The following GRIK1 variants were observed in gnomAD, a reference collection of about 807,000 sequenced individuals.
The protein encoded by GRIK1 is glutamate ionotropic receptor kainate type subunit 1, also known as glutamate receptor ionotropic, kainate 1.
Under a neutral mutation model 105.7 loss-of-function variants are expected in GRIK1, and 69 were observed. That is an observed-to-expected ratio of 0.65 (90% CI 0.54 to 0.80). The LOEUF (loss-of-function observed/expected upper bound fraction) is 0.80. GRIK1 is among the 30% of genes least tolerant of loss of function. The pLI is 0.00. For synonymous variants in GRIK1, 438 were observed against 431.3 expected (o/e 1.02, Z -0.19); for missense variants, 1,109 against 1,167.3 (o/e 0.95, Z 0.73).
chr21:29,541,571 C>T (rs993777551), intron 16 of GRIK1, among the ~76,000 whole-genome samples: 7 of 95,524 alleles, frequency 7.3e-5, no homozygotes, highest in East Asian at 7.7e-4. Context: ...ATTGCACTCA[C>T]GGTCTTTTTT....
At chr21:29,646,093 G>A (rs569667928) in intron 6 of GRIK1, among the ~76,000 whole-genome samples, 1 of 152,266 alleles carries the variant, frequency 6.6e-6, no homozygotes, top group South Asian at 2.1e-4. Context: ...TGGGTCCTGG[G>A]CAATGTCAGA....
chr21:29,562,639 C>T (rs1388382245), intron 14 of GRIK1, among the ~76,000 whole-genome samples: 3 of 151,514 alleles, frequency 2.0e-5, no homozygotes, highest in Non-Finnish European at 4.4e-5. Flanking sequence ...TGGGCAAAAA[C>T]AGCGAGACTC....
intron 1 of GRIK1, among the ~76,000 whole-genome samples, chr21:29,785,710 G>A (rs1239283143): frequency 6.6e-6 from 1 of 152,142 alleles, no homozygotes. Context: ...GATTCCCGTG[G>A]CTGCTGTAGC....
At chr21:29,661,045 C>T (rs1418317073) in intron 4 of GRIK1, among the ~76,000 whole-genome samples, 1 of 152,114 alleles carries the variant, frequency 6.6e-6, no homozygotes, top group African/African-American at 2.4e-5. Context: ...GAGCCAGATG[C>T]CTCTTTGGCC....
intron 1 of GRIK1, among the ~76,000 whole-genome samples, chr21:29,869,723 A>C: frequency 6.6e-6 from 1 of 152,224 alleles, no homozygotes; most frequent in African/African-American, 2.4e-5. Context: ...TATAAAATAC[A>C]TGTACATCTT....
intron 1 of GRIK1, among the ~76,000 whole-genome samples, chr21:29,880,966 C>G (rs533047419): frequency 2.0e-5 from 3 of 151,652 alleles, no homozygotes; most frequent in South Asian, 4.2e-4. Context: ...TAGTAGTGCC[C>G]CAGGTTGGGT....
Position 29,858,330 on chromosome 21 carries a change from C to A in GRIK1, c.118+81053G>T, listed in dbSNP as rs544028186. 9.2e-5 allele frequency among the ~76,000 whole-genome samples: 14 copies of A among 152,296 alleles called. No individual in the cohort carries two copies. The South Asian group carries it at 2.9e-3, about 32-fold the overall frequency. ...GGATTCTTCAATAGTGACGTTTGCCCATGAAACCCAGTGCATGTTGTCCTT... is the reference window on the plus strand; with the variant it reads ...GGATTCTTCAATAGTGACGTTTGCCAATGAAACCCAGTGCATGTTGTCCTT... On this transcript the variant is annotated intron_variant, in intron 1 of 17. Coordinates refer to ENST00000327783, the MANE Select transcript of GRIK1 (RefSeq NM_001330994.2).
rs116550440 is a variant in GRIK1 at position 29,743,309 on chromosome 21, A to C, written c.119-49246T>G. On this transcript the variant is annotated intron_variant, in intron 1 of 17. Transcript: ENST00000327783. Reference sequence around the variant, plus strand: ...ATGTTGGGAGAAAATCAAAGAAAAAAGTTGGAGAGAAGTTAAAGTGGTTAC... The same window carrying C: ...ATGTTGGGAGAAAATCAAAGAAAAACGTTGGAGAGAAGTTAAAGTGGTTAC... Among the ~76,000 whole-genome samples the C allele has an allele frequency of 4.4e-3, 664 of 152,310 alleles. 1 individual carries two copies. The highest frequency in any genetic ancestry group is 0.015 in the African/African-American group (625 of 41,574).
At chr21:29,653,846 A>T (rs765956450) in intron 5 of GRIK1, among the ~76,000 whole-genome samples, 3 of 152,178 alleles carry the variant, frequency 2.0e-5, no homozygotes, top group Non-Finnish European at 4.4e-5. Flanking sequence ...CTTCCACCCT[A>T]TGCTCAGTAG....
intron 1 of GRIK1, among the ~76,000 whole-genome samples, chr21:29,895,416 C>A (rs1266902951): frequency 6.6e-6 from 1 of 152,062 alleles, no homozygotes; most frequent in East Asian, 1.9e-4. Context: ...CTTTGTAATG[C>A]CTTTTTGAAA....
At chr21:29,764,922 A>T (rs2065619201) in intron 1 of GRIK1, among the ~76,000 whole-genome samples, 1 of 152,246 alleles carries the variant, frequency 6.6e-6, no homozygotes, top group Non-Finnish European at 1.5e-5. Flanking sequence ...TAGGGCTTTC[A>T]GTCTTCAATT....
rs751529107 is a variant in GRIK1, at chr21:29,581,409, T to C, written c.1912+16A>G. The C allele has an allele frequency of 8.9e-6, 13 of 1,457,460 alleles. No individual in the cohort carries two copies. Among genetic ancestry groups the C allele is most frequent in the Non-Finnish European group, 1.3e-5 (13 of 1,037,704 alleles). The allele number at this position is 1,457,460 out of a possible 1,614,324, so 90.3% of individuals were successfully genotyped here. On this transcript the variant is annotated intron_variant, in intron 13 of 17. Transcript: ENST00000327783. Reference sequence around the variant, plus strand: ...CACTGTGGGATGCGTGTGACAAAGATAGGCAACCGGTGTACCTTGCTGCAT... The same window carrying C: ...CACTGTGGGATGCGTGTGACAAAGACAGGCAACCGGTGTACCTTGCTGCAT...
intron 1 of GRIK1, among the ~76,000 whole-genome samples, chr21:29,914,286 C>A (rs2070918719): frequency 6.6e-6 from 1 of 152,006 alleles, no homozygotes; most frequent in African/African-American, 2.4e-5. Context: ...CTTCATTCCT[C>A]CATGAGAGGA....
rs74486018 is a variant in GRIK1, at chr21:29,647,613, G to T, written c.954+3505C>A. ...ATGTTTGGTTGTTCCCCTGACTCCTGTGCAGTGTTGACTCATACACAATTT... is the reference window on the plus strand; with the variant it reads ...ATGTTTGGTTGTTCCCCTGACTCCTTTGCAGTGTTGACTCATACACAATTT... On this transcript the variant is annotated intron_variant, in intron 6 of 17. Transcript: ENST00000327783. 3.7e-3 allele frequency among the ~76,000 whole-genome samples: 561 copies of T among 152,298 alleles called. 1 individual carries two copies. The highest frequency in any genetic ancestry group is 0.013 in the African/African-American group (530 of 41,554).
At chr21:29,551,892 C>T (rs1406182777) in intron 16 of GRIK1, among the ~76,000 whole-genome samples, 1 of 152,148 alleles carries the variant, frequency 6.6e-6, no homozygotes, top group Non-Finnish European at 1.5e-5. Context: ...TTCATCCCAA[C>T]ATCTGATTCT....
intron 7 of GRIK1, among the ~76,000 whole-genome samples, chr21:29,626,219 G>C (rs1031333878): frequency 1.3e-5 from 2 of 152,158 alleles, no homozygotes; most frequent in African/African-American, 4.8e-5. Flanking sequence ...AAGGGCAAAA[G>C]AGCATCAGAG....
At chr21:29,840,083 G>T (rs1258554364) in intron 1 of GRIK1, among the ~76,000 whole-genome samples, 2 of 152,088 alleles carry the variant, frequency 1.3e-5, no homozygotes, top group African/African-American at 4.8e-5. Flanking sequence ...TGTGGAGTGG[G>T]AATTGAAAAA....
In GRIK1 at chr21:29,575,993, G is replaced by A. The variant is rs145362114; in HGVS notation, c.2130+971C>T. ...TTTAGAGATTATTTTGTTTACAACT[G>A]TTGTTTTCCTTTTATTCACATGCAC... On this transcript the variant is annotated intron_variant, in intron 14 of 17. Coordinates refer to ENST00000327783, the MANE Select transcript of GRIK1 (RefSeq NM_001330994.2). 4.5e-3 allele frequency among the ~76,000 whole-genome samples: 687 copies of A among 151,986 alleles called. 3 individuals carry two copies. Among genetic ancestry groups the A allele is most frequent in the African/African-American group, 0.016 (658 of 41,424 alleles).
intron 3 of GRIK1, among the ~76,000 whole-genome samples, chr21:29,682,171 T>A (rs1165367215): frequency 6.6e-6 from 1 of 152,236 alleles, no homozygotes; most frequent in Non-Finnish European, 1.5e-5. Flanking sequence ...CCTCAATCCT[T>A]CACCCACTTT....
Sources: allele counts gnomAD v4.1 joint callset (sites outside exome capture counted in the v4.1 genomes callset), GRCh38; gene constraint gnomAD v4.1.1; transcripts MANE v1.5; gene names NCBI Gene and HGNC (gene_info 2026-07-23, HGNC 2026-07-21).